MED15: variants seen among roughly 807,000 people sequenced by gnomAD.
The protein encoded by MED15 is mediator of RNA polymerase II transcription subunit 15.
In MED15, 41 loss-of-function variants were observed where a neutral mutation model predicts 118.7. That is an observed-to-expected ratio of 0.35 (90% confidence interval 0.27 to 0.45). MED15 has a LOEUF of 0.45. MED15 is among the 20% of genes least tolerant of loss of function. MED15 has a pLI of 1.00. For missense variants in MED15, 740 were observed against 1,025.5 expected (o/e 0.72, Z 3.80); for synonymous variants, 436 against 413.9 (o/e 1.05, Z -0.65).
intron 9 of MED15, among the ~76,000 whole-genome samples, chr22:20,579,541 G>A (rs1250285767): frequency 3.9e-5 from 6 of 152,068 alleles, no homozygotes; most frequent in African/African-American, 1.4e-4. Flanking sequence ...GGGGGCGGGG[G>A]TGGGGATCGC....
chr22:20,528,835 C>G (rs759965227), intron 1 of MED15, among the ~76,000 whole-genome samples: 15 of 152,224 alleles, frequency 9.9e-5, no homozygotes, highest in Non-Finnish European at 1.6e-4. Flanking sequence ...GGTTGGCCCC[C>G]TAGTCCAGTG....
intron 1 of MED15, among the ~76,000 whole-genome samples, chr22:20,518,379 T>A (rs1054760951): frequency 1.3e-5 from 2 of 152,132 alleles, no homozygotes; most frequent in African/African-American, 4.8e-5. Flanking sequence ...TTACCTTTCT[T>A]CATGTTGGCA....
intron 1 of MED15, among the ~76,000 whole-genome samples, chr22:20,523,349 CT>C (rs201316254): frequency 4.8e-4 from 73 of 150,758 alleles, no homozygotes; most frequent in Middle Eastern, 3.4e-3. Flanking sequence ...ATTTGACTTC[CT>C]TTTTTTTTAA....
chr22:20,550,044 A>G (rs2055708182), intron 2 of MED15, among the ~76,000 whole-genome samples: 1 of 152,214 alleles, frequency 6.6e-6, no homozygotes, highest in Non-Finnish European at 1.5e-5. Context: ...GCAGACCTAA[A>G]AAATGGTCCA....
In MED15 at chr22:20,586,751, A is replaced by C. The variant is rs199678123; in HGVS notation, c.*47A>C. ...GCAGCCTCATCGGGGCCAAGGACAC[A>C]CGCCTCCTGTCAGACACTTCTAGGT... is the stretch of plus-strand genomic sequence containing the variant. On this transcript the variant is annotated 3_prime_UTR_variant, in exon 18 of 18. Transcript: ENST00000263205. The C allele has an allele frequency of 2.9e-4, 465 of 1,603,646 alleles. 1 individual carries two copies. Among genetic ancestry groups the C allele is most frequent in the Non-Finnish European group, 3.1e-5 (36 of 1,176,566 alleles).
chr22:20,571,005 C>G (rs1443200756), intron 8 of MED15, among the ~76,000 whole-genome samples: 2 of 152,150 alleles, frequency 1.3e-5, no homozygotes, highest in Non-Finnish European at 2.9e-5. Context: ...AGTGATCCAC[C>G]TGCCTCAGCC....
intron 1 of MED15, among the ~76,000 whole-genome samples, chr22:20,512,048 G>T (rs537111641): frequency 7.0e-6 from 1 of 143,424 alleles, no homozygotes; most frequent in Non-Finnish European, 1.5e-5. Flanking sequence ...GAGTGCAGTG[G>T]TACGATGATA....
intron 1 of MED15, among the ~76,000 whole-genome samples, chr22:20,520,838 C>T (rs900091886): frequency 3.0e-4 from 46 of 152,198 alleles, no homozygotes; most frequent in African/African-American, 9.6e-4. Context: ...CCTGTGGGCT[C>T]AAGCAATCTT....
At chr22:20,542,625 C>A (rs928602916) in intron 2 of MED15, among the ~76,000 whole-genome samples, 3 of 152,216 alleles carry the variant, frequency 2.0e-5, no homozygotes, top group Non-Finnish European at 4.4e-5. Flanking sequence ...TCTCTGCCCT[C>A]ACTTTCTTAA....
At chr22:20,580,543 C>T (rs952731089) in intron 9 of MED15, among the ~76,000 whole-genome samples, 1 of 152,098 alleles carries the variant, frequency 6.6e-6, no homozygotes, top group African/African-American at 2.4e-5. Context: ...AGACAGCTTT[C>T]TGGGGTGCAG....
At chr22:20,539,754 A>G (rs1303997430) in intron 2 of MED15, among the ~76,000 whole-genome samples, 3 of 152,126 alleles carry the variant, frequency 2.0e-5, no homozygotes, top group African/African-American at 4.8e-5. Flanking sequence ...GTTATTGTCT[A>G]TTTTAATTGT....
chr22:20,582,406 C>CGGCTCACATGTTTCTCTCACTTGG, intron 9 of MED15: 1 of 788,576 alleles, frequency 1.3e-6, no homozygotes, highest in Non-Finnish European at 2.0e-6. Context: ...GCCTGGGCCC[C>CGGCTCACATGTTTCTCTCACTTGG]CCCCGCCAGC....
chr22:20,507,989 C>G, intron 1 of MED15: 1 of 1,428,896 alleles, frequency 7.0e-7, no homozygotes, highest in Non-Finnish European at 9.1e-7. Flanking sequence ...GAATCATCGT[C>G]TTGAGCTTTC....
At chr22:20,567,809 C>T (rs2056497946) in intron 7 of MED15, among the ~76,000 whole-genome samples, 2 of 152,166 alleles carry the variant, frequency 1.3e-5, no homozygotes, top group Admixed American at 1.3e-4. Flanking sequence ...TTCTGGAGGC[C>T]CCTCCATGCA....
At chr22:20,535,597 T>C (rs946995937) in intron 1 of MED15, among the ~76,000 whole-genome samples, 4 of 151,830 alleles carry the variant, frequency 2.6e-5, no homozygotes, top group Admixed American at 6.6e-5. Flanking sequence ...TCTCGCACTG[T>C]TGCCCAGGCT....
chr22:20,559,806 A>G (rs1166694912), intron 5 of MED15, among the ~76,000 whole-genome samples: 2 of 152,380 alleles, frequency 1.3e-5, no homozygotes, highest in African/African-American at 2.4e-5. Context: ...TCTAAAGGAT[A>G]TATCTTTTTT....
intron 5 of MED15, among the ~76,000 whole-genome samples, chr22:20,564,244 A>T (rs1000305975): frequency 1.3e-5 from 2 of 152,194 alleles, no homozygotes; most frequent in African/African-American, 4.8e-5. Flanking sequence ...GTTATTATAG[A>T]GTAACTCATG....
chr22:20,551,028 A>G, intron 2 of MED15: 1 of 419,572 alleles, frequency 2.4e-6, no homozygotes, highest in South Asian at 1.8e-5. Flanking sequence ...TTCTTTACAG[A>G]TAGTGCAAAG....
intron 1 of MED15, among the ~76,000 whole-genome samples, chr22:20,536,055 T>C (rs190937059): frequency 1.3e-5 from 2 of 151,778 alleles, no homozygotes; most frequent in African/African-American, 2.4e-5. Context: ...TTTGTATTTT[T>C]AGTAGAGACA....
Sources: allele counts gnomAD v4.1 joint callset (sites outside exome capture counted in the v4.1 genomes callset), GRCh38; gene constraint gnomAD v4.1.1; transcripts MANE v1.5; gene names NCBI Gene and HGNC (gene_info 2026-07-23, HGNC 2026-07-21).